The following STK36 variants were observed in gnomAD, a reference collection of about 807,000 sequenced individuals.
STK36 encodes serine/threonine kinase 36.
Under a neutral mutation model 142.2 loss-of-function variants are expected in STK36, and 116 were observed. That is an observed-to-expected ratio of 0.82 (90% CI 0.70 to 0.95). The LOEUF (loss-of-function observed/expected upper bound fraction) is 0.95. STK36 is among the 40% of genes least tolerant of loss of function. The probability of loss-of-function intolerance (pLI) is 0.00; values close to 1 mark genes in which losing one functional copy is unlikely to be tolerated. For synonymous variants in STK36, 619 were observed against 641.7 expected (o/e 0.96, Z 0.53); for missense variants, 1,422 against 1,617.2 (o/e 0.88, Z 2.07).
intron 16 of STK36, 40 bp downstream of exon 16, chr2:218,692,750 A>G (rs1575138143): frequency 4.4e-6 from 7 of 1,588,646 alleles, no homozygotes; most frequent in Admixed American, 1.8e-5. Flanking sequence ...TCCTACTGCC[A>G]GAGGAATTGA....
chr2:218,693,219 C>T, intron 16 of STK36, 21 bp from the exon 17 acceptor site: 1 of 1,605,662 alleles, frequency 6.2e-7, no homozygotes, highest in Non-Finnish European at 8.5e-7. Flanking sequence ...TAGGATTGAG[C>T]CTTCAGGTAT....
intron 6 of STK36, among the ~76,000 whole-genome samples, chr2:218,678,190 A>G (rs1406053583): frequency 1.3e-5 from 2 of 152,116 alleles, no homozygotes; most frequent in African/African-American, 4.8e-5. Context: ...GCCTCAAGCA[A>G]TCTTCCTGTC....
In STK36 at chr2:218,694,368, G is replaced by A. The variant is rs1941142404; in HGVS notation, c.2400+41G>A. On this transcript the variant is annotated intron_variant, in intron 20 of 26. Coordinates refer to ENST00000295709, the MANE Select transcript of STK36 (RefSeq NM_015690.5). The surrounding 1 kb of genome is among the most constrained non-coding windows in gnomAD (Gnocchi z 4.4). ...TCACCCTCCTCCCCTTTTCACCCTA[G>A]CATCTACCCCTTGTGGAAGTGGGGG... is the stretch of plus-strand genomic sequence containing the variant. The A allele has an allele frequency of 6.3e-7, 1 of 1,584,140 alleles. No individual in the cohort carries two copies. The highest frequency in any genetic ancestry group is 1.3e-5 in the African/African-American group (1 of 74,088).
At chr2:218,676,816 T>A (rs931491802) in intron 6 of STK36, among the ~76,000 whole-genome samples, 4 of 151,496 alleles carry the variant, frequency 2.6e-5, no homozygotes, top group Admixed American at 2.0e-4. Context: ...ACCCGGCTAA[T>A]TTTTTTGTAT....
At position 218,679,977 on chromosome 2, in the gene STK36, G is replaced by A. The variant is rs56268450; in HGVS notation, c.1033G>A (p.Gly345Arg). The part of the protein sequence containing the change: ...APGTAPLPRL[G>R]ATPQESSLLA... ...TGGCACAGCCCCTCTGCCCAGACTC[G>A]GGGCCACTCCTCAGGAATCAAGCCT... The change falls in exon 9 of 27, where the codon GGG (glycine) becomes AGG (arginine). Residue 345 changes from glycine to arginine, a missense_variant. Coordinates refer to ENST00000295709, the MANE Select transcript of STK36 (RefSeq NM_015690.5). 41 of 1,614,152 alleles carry A rather than the reference G, an allele frequency of 2.5e-5. No individual in the cohort carries two copies. The East Asian group carries it at 6.5e-4, about 25-fold the overall frequency.
chr2:218,673,181 C>T (rs889498581), intron 2 of STK36: 9 of 438,428 alleles, frequency 2.1e-5, no homozygotes, highest in Admixed American at 1.2e-4. Context: ...AGAACAGCAA[C>T]TGATTGATGG....
chr2:218,692,847 C>T lies in STK36; in HGVS notation c.2043+137C>T, dbSNP rs574867453. The T allele has an allele frequency of 1.4e-5, 17 of 1,234,638 alleles. No homozygotes were observed. In the African/African-American group the frequency reaches 2.1e-4, roughly 16 times the overall value. The allele number at this position is 1,234,638 out of a possible 1,614,324, so 76.5% of individuals were successfully genotyped here. A position where few individuals can be genotyped will look rare whatever the true frequency, so the allele number is the denominator to read the frequency against. Reference sequence around the variant, plus strand: ...ACTTCCAGAAACAGATGCTCCCACCCTGGGCCATTTGTAGAACATGATATA... The same window carrying T: ...ACTTCCAGAAACAGATGCTCCCACCTTGGGCCATTTGTAGAACATGATATA... On this transcript the variant is annotated intron_variant, in intron 16 of 26. Transcript: ENST00000295709.
chr2:218,693,109 G>T, intron 16 of STK36, 131 bp from the exon 17 acceptor site: 1 of 780,090 alleles, frequency 1.3e-6, no homozygotes. Context: ...ATAGAATGGG[G>T]TCTGAGGTTT....
intron 12 of STK36, 69 bp downstream of exon 12, chr2:218,688,945 T>G: frequency 6.9e-7 from 1 of 1,448,054 alleles, no homozygotes; most frequent in Non-Finnish European, 9.2e-7. Flanking sequence ...CTCATTCAGA[T>G]TGCCATCTCT....
chr2:218,673,830 CAG>C, intron 3 of STK36, 47 bp from the exon 4 acceptor site: 1 of 1,614,122 alleles, frequency 6.2e-7, no homozygotes, highest in Non-Finnish European at 8.5e-7. Context: ...TTCCCAACCT[CAG>C]AATGCATGAA....
chr2:218,691,397 C>G lies in STK36; in HGVS notation c.1765-746C>G, dbSNP rs139599827. Among the ~76,000 whole-genome samples, 25 of 152,290 alleles carry G rather than the reference C, an allele frequency of 1.6e-4. No homozygotes were observed. The East Asian group carries it at 4.4e-3, about 27-fold the overall frequency. ...TTTCAAGTCAGAAAGCTTTTACTGTCTAACCTAAATTTTGGCCAGCAGTGA... is the reference window on the plus strand; with the variant it reads ...TTTCAAGTCAGAAAGCTTTTACTGTGTAACCTAAATTTTGGCCAGCAGTGA... On this transcript the variant is annotated intron_variant, in intron 14 of 26. Transcript: ENST00000295709.
chr2:218,679,692 A>G lies in STK36; in HGVS notation c.911A>G (p.Gln304Arg), dbSNP rs770039316. 36 of 1,614,218 alleles carry G rather than the reference A, an allele frequency of 2.2e-5. No homozygotes were observed. The highest frequency in any genetic ancestry group is 3.3e-4 in the Middle Eastern group (2 of 6,062). The change falls in exon 8 of 27, where the codon CAG becomes CGG. Residue 304 changes from glutamine (Q) to arginine (R), a missense_variant. Coordinates refer to ENST00000295709, the MANE Select transcript of STK36 (RefSeq NM_015690.5). The stretch of plus-strand genomic sequence containing the variant: ...GGTAATCAGTCTCGCATCTTGACTC[A>G]GGCCTATAAACGCATGGCTGAGGAG... ...PKGNQSRILT[Q>R]AYKRMAEEAM...
intron 6 of STK36, 76 bp downstream of exon 6, chr2:218,676,354 C>T: frequency 6.4e-7 from 1 of 1,556,930 alleles, no homozygotes; most frequent in Non-Finnish European, 8.7e-7. Flanking sequence ...TTTTCCAAAT[C>T]CTTTTCCAGA....
In STK36 at chr2:218,688,743, T is replaced by C. The variant is rs34128793; in HGVS notation, c.1427T>C (p.Phe476Ser). The part of the protein sequence containing the change: ...LEGASHILPA[F>S]RVLSSLLSSC... The stretch of plus-strand genomic sequence containing the variant: ...GGTGCTTCCCACATCCTGCCTGCAT[T>C]CCGGGTCCTGAGCAGTCTTCTCTCC... The change falls in exon 12 of 27, where the codon TTC (phenylalanine) becomes TCC (serine). Residue 476 changes from phenylalanine (F) to serine (S), a missense_variant. This residue lies in a region of STK36 where 962 missense variants were observed against 1,167.5 expected (regional missense o/e 0.82). Coordinates refer to ENST00000295709, the MANE Select transcript of STK36 (RefSeq NM_015690.5). 160 of 1,614,102 alleles carry C rather than the reference T, an allele frequency of 9.9e-5. No individual in the cohort carries two copies. The highest frequency in any genetic ancestry group is 9.9e-4 in the Middle Eastern group (6 of 6,054).
intron 10 of STK36, chr2:218,684,872 C>T: frequency 2.0e-6 from 1 of 497,406 alleles, no homozygotes; most frequent in Non-Finnish European, 3.5e-6. Context: ...TCTTTATGCA[C>T]ACATGCCGGT....
chr2:218,697,585 A>C lies in STK36; in HGVS notation c.2884A>C (p.Ser962Arg), dbSNP rs565742342. ...CATCCTGAAGCATCTGCTTTGCCCC[A>C]GCTTCCTGAATCAACTGCGCCAGGC... is the stretch of plus-strand genomic sequence containing the variant. ...MSILKHLLCP[S>R]FLNQLRQAPH... The change falls in exon 24 of 27, where the codon AGC (serine) becomes CGC (arginine). Residue 962 changes from serine to arginine, a missense_variant. Physicochemically the swap from Ser to Arg is moderately radical, Grantham distance 110. Transcript: ENST00000295709. The C allele has an allele frequency of 1.2e-4, 199 of 1,614,234 alleles. 1 individual carries two copies. The South Asian group carries it at 2.1e-3, about 17-fold the overall frequency.
At chr2:218,682,587 CTTTATTTATTTA>C (rs754706288) in intron 10 of STK36, among the ~76,000 whole-genome samples, 1 of 151,720 alleles carries the variant, frequency 6.6e-6, no homozygotes, top group Non-Finnish European at 1.5e-5. Context: ...TCACACCTTG[CTTTATTTATTTA>C]TTTATTTATT....
chr2:218,675,405 A>G lies in STK36; in HGVS notation c.366A>G (p.Leu122=), dbSNP rs759389708. The G allele has an allele frequency of 1.9e-6, 3 of 1,612,756 alleles. No individual in the cohort carries two copies. The highest frequency in any genetic ancestry group is 2.5e-6 in the Non-Finnish European group (3 of 1,179,734). ...ALYYLHSHRI[L]HRDMKPQNIL... is the part of the protein sequence containing the mutation. ...ACTATCTGCATTCCCACCGCATCCT[A>G]CACCGAGATATGAAGCCTCAGAACA... The change falls in exon 5 of 27, where the codon CTA becomes CTG. Residue 122 remains leucine, a synonymous_variant. Coordinates refer to ENST00000295709, the MANE Select transcript of STK36 (RefSeq NM_015690.5).
Position 218,694,151 on chromosome 2 carries a change from C to A in STK36, c.2337-113C>A. ...GACCTAGACTCCCATCAACTTTGTG[C>A]CTTGGAGGTAGACATGCAGCCTAGG... On this transcript the variant is annotated intron_variant, in intron 19 of 26. Coordinates refer to ENST00000295709, the MANE Select transcript of STK36 (RefSeq NM_015690.5). This position sits in a 1 kb window ranked among gnomAD's most constrained non-coding sequence, Gnocchi z 4.4. 1 of 1,196,322 alleles carries A rather than the reference C, an allele frequency of 8.4e-7. No homozygotes were observed. Among genetic ancestry groups the A allele is most frequent in the Non-Finnish European group, 1.2e-6 (1 of 807,056 alleles). 74.1% of individuals were successfully genotyped at this position (1,196,322 alleles called of 1,614,324 possible).
Sources: gnomAD v4.1 joint callset for allele counts (sites outside exome capture counted in the v4.1 genomes callset) on GRCh38, gnomAD v4.1.1 for gene constraint, gnomAD v4.1.1 regional missense constraint, Gnocchi (gnomAD v3.1) non-coding constraint, MANE v1.5 for transcripts, NCBI Gene and HGNC (gene_info 2026-07-23, HGNC 2026-07-21) for gene names.